Variants in ITPR2 observed in about 807,000 individuals in gnomAD.
The protein encoded by ITPR2 is inositol 1,4,5-trisphosphate receptor type 2.
Under a neutral mutation model 317.1 loss-of-function variants are expected in ITPR2, and 207 were observed. The observed-to-expected ratio is 0.65, with a 90% confidence interval of 0.58 to 0.73. The LOEUF is 0.73. Among genes scored for constraint, ITPR2 ranks in the 30% least tolerant of loss-of-function variants. The pLI, the probability that ITPR2 is intolerant of heterozygous loss-of-function variation, is 0.00. For missense variants in ITPR2, 2,613 were observed against 3,284.0 expected (o/e 0.80, Z 4.99); for synonymous variants, 1,156 against 1,149.1 (o/e 1.01, Z -0.12).
chr12:26,392,075 C>T (rs1018426919), intron 54 of ITPR2, among the ~76,000 whole-genome samples: 3 of 152,154 alleles, frequency 2.0e-5, no homozygotes, highest in African/African-American at 7.2e-5. Flanking sequence ...TCCATTCTCA[C>T]GGTTTTACCA....
chr12:26,655,289 T>C (rs1308001675), intron 20 of ITPR2, among the ~76,000 whole-genome samples: 2 of 152,184 alleles, frequency 1.3e-5, no homozygotes, highest in Admixed American at 6.5e-5. Flanking sequence ...TGTTTTGTAC[T>C]GGACATCAAA....
chr12:26,589,849 TATATACACACACAC>T (rs1945651895), intron 32 of ITPR2, among the ~76,000 whole-genome samples: 9 of 39,856 alleles, frequency 2.3e-4, no homozygotes, highest in African/African-American at 7.2e-4. Context: ...TATATATATA[TATATACACACACAC>T]ACACACACAC....
At chr12:26,628,881 CT>C (rs1314862352) in intron 22 of ITPR2, among the ~76,000 whole-genome samples, 1 of 152,156 alleles carries the variant, frequency 6.6e-6, no homozygotes, top group Non-Finnish European at 1.5e-5. Context: ...ATCATGTGGT[CT>C]AAATACAACA....
At chr12:26,637,774 G>C (rs1946895450) in intron 21 of ITPR2, among the ~76,000 whole-genome samples, 1 of 152,096 alleles carries the variant, frequency 6.6e-6, no homozygotes, top group Admixed American at 6.5e-5. Context: ...TATAATTATA[G>C]TTCATAATGT....
chr12:26,479,394 T>C (rs913621670), intron 43 of ITPR2, among the ~76,000 whole-genome samples: 1 of 152,166 alleles, frequency 6.6e-6, no homozygotes. Context: ...TATATGCTTA[T>C]ACTTTATTTT....
intron 1 of ITPR2, among the ~76,000 whole-genome samples, chr12:26,793,923 A>G (rs760238402): frequency 1.3e-5 from 2 of 152,188 alleles, no homozygotes; most frequent in African/African-American, 2.4e-5. Flanking sequence ...AATCCAATCC[A>G]TCAGTGCACA....
chr12:26,802,765 C>A (rs1470006692), intron 1 of ITPR2, among the ~76,000 whole-genome samples: 1 of 151,920 alleles, frequency 6.6e-6, no homozygotes, highest in Non-Finnish European at 1.5e-5. Flanking sequence ...TATACAAATT[C>A]TAAATGTATA....
intron 35 of ITPR2, among the ~76,000 whole-genome samples, chr12:26,560,358 A>C (rs1480227884): frequency 6.6e-6 from 1 of 152,072 alleles, no homozygotes; most frequent in African/African-American, 2.4e-5. Context: ...CCTTGCTCCA[A>C]CTATTATCTT....
intron 34 of ITPR2, among the ~76,000 whole-genome samples, chr12:26,576,821 T>C (rs1009440731): frequency 6.6e-6 from 1 of 152,160 alleles, no homozygotes; most frequent in African/African-American, 2.4e-5. Flanking sequence ...ATTGTGTCCC[T>C]CGAAGTTCGT....
At chr12:26,777,241 G>A (rs1274964345) in intron 2 of ITPR2, among the ~76,000 whole-genome samples, 1 of 152,194 alleles carries the variant, frequency 6.6e-6, no homozygotes, top group East Asian at 1.9e-4. Flanking sequence ...AAAGGCTTAG[G>A]GAGATTGGGA....
chr12:26,443,759 T>C, intron 45 of ITPR2, 109 bp from the exon 46 acceptor site: 1 of 677,480 alleles, frequency 1.5e-6, no homozygotes, highest in Non-Finnish European at 2.5e-6. Context: ...GTCCTAGGGT[T>C]AAGGACAATT....
chr12:26,474,816 G>T (rs1048466141), intron 45 of ITPR2, among the ~76,000 whole-genome samples: 51 of 87,438 alleles, frequency 5.8e-4, no homozygotes, highest in Non-Finnish European at 1.2e-3. Flanking sequence ...AAAAAAAAAA[G>T]AATTTAAAGT....
Position 26,602,683 on chromosome 12 carries a change from C to T in ITPR2, c.3486G>A (p.Val1162=). Residue 1162 remains valine, a synonymous_variant, in exon 27 of 57, where the codon GTG becomes GTA. Transcript: ENST00000381340. The part of the protein sequence containing the change: ...PIEESNILSP[V]QDGTKKPQID... Reference sequence around the variant, plus strand: ...TCTGAGGTTTCTTTGTTCCATCCTGCACTGGACTTAAAATGTTTGATTCCT... The same window carrying T: ...TCTGAGGTTTCTTTGTTCCATCCTGTACTGGACTTAAAATGTTTGATTCCT... 1 of 1,603,574 alleles carries T rather than the reference C, an allele frequency of 6.2e-7. No homozygotes were observed. Among genetic ancestry groups the T allele is most frequent in the Non-Finnish European group, 8.5e-7 (1 of 1,173,494 alleles).
chr12:26,512,990 A>T (rs960907400), intron 37 of ITPR2, among the ~76,000 whole-genome samples: 2 of 151,720 alleles, frequency 1.3e-5, no homozygotes, highest in Non-Finnish European at 2.9e-5. Context: ...AGTAGCTGGG[A>T]TTACAGGTGC....
At chr12:26,588,820 G>C (rs909478027) in intron 32 of ITPR2, among the ~76,000 whole-genome samples, 1 of 152,206 alleles carries the variant, frequency 6.6e-6, no homozygotes, top group Admixed American at 6.5e-5. Context: ...AGTTAGGTGA[G>C]CCTCCTAAAT....
At chr12:26,670,770 C>T (rs1380524582) in intron 13 of ITPR2, among the ~76,000 whole-genome samples, 1 of 152,090 alleles carries the variant, frequency 6.6e-6, no homozygotes, top group Non-Finnish European at 1.5e-5. Flanking sequence ...GGAGGAAATT[C>T]AAACCAAAGG....
rs1327215797 is a variant in ITPR2, at chr12:26,427,992, G to A, written c.6866C>T (p.Pro2289Leu). The change falls in exon 49 of 57, where the codon CCG becomes CTG. Residue 2289 changes from proline (P) to leucine (L), a missense_variant. Pro to Leu is a moderately conservative substitution (Grantham distance 98, BLOSUM62 -3). This residue lies in a region of ITPR2 where 926 missense variants were observed against 1,072.8 expected (regional missense o/e 0.86). Transcript: ENST00000381340. ...FFFSKPVGIR[P>L]FLVSIMLRSI... Reference sequence around the variant, plus strand: ...TCTGAGCATTATTGATACAAGAAACGGCCGAATACCCACAGGCTTGGAGAA... The same window carrying A: ...TCTGAGCATTATTGATACAAGAAACAGCCGAATACCCACAGGCTTGGAGAA... 10 of 1,612,254 alleles carry A rather than the reference G, an allele frequency of 6.2e-6. No homozygotes were observed. Among genetic ancestry groups the A allele is most frequent in the African/African-American group, 2.7e-5 (2 of 74,798 alleles).
chr12:26,703,549 C>A (rs908645272), intron 9 of ITPR2, among the ~76,000 whole-genome samples: 1 of 152,178 alleles, frequency 6.6e-6, no homozygotes. Context: ...CATTCCCTAA[C>A]TGTGACAATA....
intron 48 of ITPR2, among the ~76,000 whole-genome samples, chr12:26,433,239 C>T (rs976451699): frequency 6.6e-6 from 1 of 152,158 alleles, no homozygotes; most frequent in African/African-American, 2.4e-5. Context: ...CCTCTAAGCA[C>T]CCCATCCACT....
Sources: allele counts gnomAD v4.1 joint callset (sites outside exome capture counted in the v4.1 genomes callset), GRCh38; gene constraint gnomAD v4.1.1; regional missense constraint gnomAD v4.1.1; transcripts MANE v1.5; gene names NCBI Gene and HGNC (gene_info 2026-07-23, HGNC 2026-07-21).